EPHB2: variants seen among roughly 807,000 people sequenced by gnomAD.
EPHB2 encodes the protein EPH receptor B2.
A neutral mutation model predicts 96.4 loss-of-function variants in EPHB2; 18 were observed. The ratio of observed to expected loss-of-function variants is 0.19; its 90% CI spans 0.13 to 0.28. The LOEUF is 0.28. EPHB2 is among the 10% of genes least tolerant of loss of function. EPHB2 has a pLI of 1.00. For missense variants in EPHB2, 989 were observed against 1,355.4 expected (o/e 0.73, Z 4.25); for synonymous variants, 506 against 534.1 (o/e 0.95, Z 0.72).
Position 22,882,443 on chromosome 1 carries a change from A to G in EPHB2, c.1388A>G (p.Asn463Ser), listed in dbSNP as rs377028693. Residue 463 changes from asparagine (N) to serine (S), a missense_variant, in exon 6 of 16, where the codon AAT becomes AGT. Coordinates refer to ENST00000374630, the MANE Select transcript of EPHB2 (RefSeq NM_017449.5). ...TLSWSQPDQP[N>S]GVILDYELQY... is the part of the protein sequence containing the mutation. ...TCGTGGTCCCAGCCGGACCAGCCCA[A>G]TGGCGTGATCCTGGACTATGAGCTG... is the stretch of plus-strand genomic sequence containing the variant. 8.7e-6 allele frequency: 14 copies of G among 1,613,932 alleles called. No homozygotes were observed. Among genetic ancestry groups the G allele is most frequent in the African/African-American group, 1.3e-5 (1 of 74,928 alleles).
chr1:22,902,192 G>A (rs951028419), intron 9 of EPHB2, among the ~76,000 whole-genome samples: 4 of 152,136 alleles, frequency 2.6e-5, no homozygotes, highest in African/African-American at 7.2e-5. Flanking sequence ...TGTACCAAAT[G>A]AAATTGCTAT....
chr1:22,762,670 G>A (rs368629994), intron 1 of EPHB2, among the ~76,000 whole-genome samples: 10 of 152,208 alleles, frequency 6.6e-5, no homozygotes, highest in Non-Finnish European at 1.2e-4. Flanking sequence ...GGAGTTTCCT[G>A]TAGGGGATGT....
chr1:22,889,445 T>A (rs1353122028), intron 6 of EPHB2, among the ~76,000 whole-genome samples: 2 of 152,238 alleles, frequency 1.3e-5, no homozygotes, highest in Non-Finnish European at 2.9e-5. Flanking sequence ...TCCCAGGTTT[T>A]GTAGATTTTT....
At chr1:22,907,900 G>A in intron 11 of EPHB2, 53 bp from the exon 12 acceptor site, 1 of 1,600,066 alleles carries the variant, frequency 6.2e-7, no homozygotes, top group South Asian at 1.1e-5. Context: ...ATGATGCAGA[G>A]CTCTGATGCC....
rs1008406685 is a variant in EPHB2 at position 22,800,761 on chromosome 1, G to A, written c.811+15685G>A. On this transcript the variant is annotated intron_variant, in intron 3 of 15. Coordinates refer to ENST00000374630, the MANE Select transcript of EPHB2 (RefSeq NM_017449.5). ...CTGGATCAATTTGTGGAGTGTGTGC[G>A]TGTGTATGTGACACACACACACACA... Among the ~76,000 whole-genome samples, 12 of 130,320 alleles carry A rather than the reference G, an allele frequency of 9.2e-5. No homozygotes were observed. The South Asian group carries it at 1.4e-3, about 15-fold the overall frequency. The allele number at this position is 130,320 out of a possible 152,430, so 85.5% of individuals were successfully genotyped here. A position where few individuals can be genotyped will look rare whatever the true frequency, so the allele number is the denominator to read the frequency against.
At chr1:22,748,599 C>T (rs1644011943) in intron 1 of EPHB2, among the ~76,000 whole-genome samples, 1 of 151,480 alleles carries the variant, frequency 6.6e-6, no homozygotes, top group Non-Finnish European at 1.5e-5. Context: ...TCAGGCTGGT[C>T]TCGAACTCCT....
At chr1:22,903,304 G>T (rs1301962325) in intron 9 of EPHB2, among the ~76,000 whole-genome samples, 1 of 152,270 alleles carries the variant, frequency 6.6e-6, no homozygotes, top group African/African-American at 2.4e-5. Flanking sequence ...CATGTTGGGA[G>T]GGAGGCTGAA....
At chr1:22,721,078 G>A (rs1449109050) in intron 1 of EPHB2, among the ~76,000 whole-genome samples, 2 of 152,174 alleles carry the variant, frequency 1.3e-5, no homozygotes, top group African/African-American at 2.4e-5. Flanking sequence ...CGGGTAAGGG[G>A]GTGACTGGTT....
intron 3 of EPHB2, among the ~76,000 whole-genome samples, chr1:22,823,189 G>T (rs1178112331): frequency 6.6e-6 from 1 of 152,200 alleles, no homozygotes; most frequent in Non-Finnish European, 1.5e-5. Context: ...ACCCTCAACT[G>T]CCTCGCTCCT....
chr1:22,837,930 C>T (rs900471175), intron 3 of EPHB2, among the ~76,000 whole-genome samples: 3 of 152,178 alleles, frequency 2.0e-5, no homozygotes, highest in African/African-American at 7.2e-5. Flanking sequence ...CTAGGCCTCC[C>T]CCAAAGAGGT....
Position 22,875,582 on chromosome 1 carries a change from G to A in EPHB2, c.1304-6777G>A, listed in dbSNP as rs982307970. Among the ~76,000 whole-genome samples the A allele has an allele frequency of 4.6e-5, 7 of 152,160 alleles. No individual in the cohort carries two copies. The highest frequency in any genetic ancestry group is 1.3e-4 in the Admixed American group (2 of 15,276). ...AGGGCGCCAGAAAAGGGGAGAATCTGTCTGGTCCCCGCTTTTCCCTTTCTC... is the reference window on the plus strand; with the variant it reads ...AGGGCGCCAGAAAAGGGGAGAATCTATCTGGTCCCCGCTTTTCCCTTTCTC... On this transcript the variant is annotated intron_variant, in intron 5 of 15. Transcript: ENST00000374630. The surrounding 1 kb of genome is among the most constrained non-coding windows in gnomAD (Gnocchi z 4.2).
chr1:22,905,289 A>G (rs781147503), intron 9 of EPHB2, among the ~76,000 whole-genome samples: 8 of 152,202 alleles, frequency 5.3e-5, no homozygotes, highest in Non-Finnish European at 7.3e-5. Flanking sequence ...CAAATGCCCC[A>G]TGTCTAGCTT....
rs769484630 is a variant in EPHB2 at position 22,896,427 on chromosome 1, C to T, written c.1714C>T (p.Arg572Cys). ...TTGTTCCAGAAGACGGGGGTTTGAGCGTGCTGACTCGGAGTACACGGACAA... is the reference window on the plus strand; with the variant it reads ...TTGTTCCAGAAGACGGGGGTTTGAGTGTGCTGACTCGGAGTACACGGACAA... The part of the protein sequence containing the change: ...AIVCNRRGFE[R>C]ADSEYTDKLQ... The change falls in exon 9 of 16, where the codon CGT becomes TGT. Residue 572 changes from arginine to cysteine, a missense_variant. Coordinates refer to ENST00000374630, the MANE Select transcript of EPHB2 (RefSeq NM_017449.5). 6.3e-5 allele frequency: 101 copies of T among 1,613,998 alleles called. No homozygotes were observed. Among genetic ancestry groups the T allele is most frequent in the Non-Finnish European group, 8.5e-5 (100 of 1,180,024 alleles).
chr1:22,859,732 G>A (rs1415155913), intron 3 of EPHB2, among the ~76,000 whole-genome samples: 1 of 152,130 alleles, frequency 6.6e-6, no homozygotes. Context: ...GATGGAGGCT[G>A]CAGTGAGCCG....
At chr1:22,847,944 G>C (rs1214512220) in intron 3 of EPHB2, among the ~76,000 whole-genome samples, 1 of 152,034 alleles carries the variant, frequency 6.6e-6, no homozygotes, top group Non-Finnish European at 1.5e-5. Flanking sequence ...AGCCTTCCTG[G>C]GTACCCCTAG....
At chr1:22,883,697 G>T (rs1025747364) in intron 6 of EPHB2, among the ~76,000 whole-genome samples, 12 of 152,142 alleles carry the variant, frequency 7.9e-5, no homozygotes, top group Non-Finnish European at 1.3e-4. Context: ...TTAACTGCTG[G>T]ATCGGCTAAC....
rs2148541746 is a variant in EPHB2, at chr1:22,875,971, G to T, written c.1304-6388G>T. ...CAAGGCCCTGAGGCAGAACAGAAAG[G>T]CTGCCAGTGTGGACAGCTTGGGAGA... On this transcript the variant is annotated intron_variant, in intron 5 of 15. Coordinates refer to ENST00000374630, the MANE Select transcript of EPHB2 (RefSeq NM_017449.5). The surrounding 1 kb of genome is among the most constrained non-coding windows in gnomAD (Gnocchi z 4.2). 6.6e-6 allele frequency among the ~76,000 whole-genome samples: 1 copy of T among 152,252 alleles called. No homozygotes were observed. Among genetic ancestry groups the T allele is most frequent in the Non-Finnish European group, 1.5e-5 (1 of 68,024 alleles).
chr1:22,773,819 T>C (rs1015719282), intron 1 of EPHB2, among the ~76,000 whole-genome samples: 1 of 152,158 alleles, frequency 6.6e-6, no homozygotes, highest in African/African-American at 2.4e-5. Flanking sequence ...GGACGGACAC[T>C]CCAGCATGGC....
intron 1 of EPHB2, among the ~76,000 whole-genome samples, chr1:22,743,051 C>T (rs1643923841): frequency 6.6e-6 from 1 of 151,500 alleles, no homozygotes; most frequent in African/African-American, 2.4e-5. Context: ...GCCACCACGC[C>T]CAGCTAATTT....
Sources: allele counts gnomAD v4.1 joint callset (sites outside exome capture counted in the v4.1 genomes callset), GRCh38; gene constraint gnomAD v4.1.1; non-coding constraint Gnocchi (gnomAD v3.1); transcripts MANE v1.5; gene names NCBI Gene and HGNC (gene_info 2026-07-23, HGNC 2026-07-21).